Variants in AGBL4 observed in about 807,000 individuals in gnomAD.
AGBL4 encodes AGBL carboxypeptidase 4, also known as cytosolic carboxypeptidase 6.
AGBL4 carries 58 observed loss-of-function variants against 66.4 expected under a neutral mutation model. The ratio of observed to expected loss-of-function variants is 0.87; its 90% CI spans 0.71 to 1.09. AGBL4 has a LOEUF of 1.09. AGBL4 is among the 50% of genes least tolerant of loss of function. The pLI, the probability that AGBL4 is intolerant of heterozygous loss-of-function variation, is 0.00. For missense variants in AGBL4, 579 were observed against 631.0 expected, an observed-to-expected ratio of 0.92 and a Z score of 0.88; for synonymous variants, 234 against 222.9, an observed-to-expected ratio of 1.05 and a Z score of -0.44.
At chr1:48,678,140 G>T (rs1422096110) in intron 6 of AGBL4, among the ~76,000 whole-genome samples, 3 of 152,150 alleles carry the variant, frequency 2.0e-5, no homozygotes, top group Non-Finnish European at 4.4e-5. Flanking sequence ...ACAGCGCTAG[G>T]ATGGTCAGGC....
Position 48,781,127 on chromosome 1 carries a change from T to G in AGBL4, c.634+86064A>C, listed in dbSNP as rs376172411. On this transcript the variant is annotated intron_variant, in intron 6 of 13. Coordinates refer to ENST00000371839, the MANE Select transcript of AGBL4 (RefSeq NM_032785.4). ...GGTTCAAATTCCCTACCCATGTCAC[T>G]GTAAATCATTCCTATAAGGAGGCAG... Among the ~76,000 whole-genome samples the G allele has an allele frequency of 5.2e-4, 79 of 152,308 alleles. 1 individual carries two copies. The South Asian group carries it at 1.0e-2, about 19-fold the overall frequency.
chr1:49,957,242 A>C (rs1656685523), intron 1 of AGBL4, among the ~76,000 whole-genome samples: 1 of 151,714 alleles, frequency 6.6e-6, no homozygotes, highest in Non-Finnish European at 1.5e-5. Context: ...AAATTAAAGC[A>C]GATCTTTTAC....
At chr1:49,652,336 A>G (rs1337196094) in intron 3 of AGBL4, among the ~76,000 whole-genome samples, 2 of 152,164 alleles carry the variant, frequency 1.3e-5, no homozygotes, top group African/African-American at 2.4e-5. Context: ...ATCCAAATAC[A>G]AGAAATATAG....
rs1650249153 is a variant in AGBL4, at chr1:49,906,116, C to CAGTGTGTG, written c.35-54599_35-54598insCACACACT. Among the ~76,000 whole-genome samples, 35 of 147,402 alleles carry CAGTGTGTG rather than the reference C, an allele frequency of 2.4e-4. 1 individual carries two copies. In the South Asian group the frequency reaches 7.6e-3, roughly 32 times the overall value. On this transcript the variant is annotated intron_variant, in intron 1 of 13. Transcript: ENST00000371839. ...TTTTAAGATAAAGAGAAACAGGACT[C>CAGTGTGTG]TGTGTGTGTGTGTGTGTGTGTGTGT... is the stretch of plus-strand genomic sequence containing the variant.
intron 1 of AGBL4, among the ~76,000 whole-genome samples, chr1:50,021,249 T>C (rs558169165): frequency 4.6e-5 from 7 of 152,316 alleles, no homozygotes; most frequent in African/African-American, 7.2e-5. Context: ...TTGGAAGGCA[T>C]TGAAATATTG....
intron 3 of AGBL4, among the ~76,000 whole-genome samples, chr1:49,260,847 C>A (rs533011778): frequency 1.4e-4 from 21 of 151,830 alleles, no homozygotes; most frequent in Non-Finnish European, 2.2e-4. Context: ...CGGGCAGAGA[C>A]ACAACCAAAA....
At chr1:48,661,061 G>A (rs1280893553) in intron 7 of AGBL4, among the ~76,000 whole-genome samples, 1 of 152,198 alleles carries the variant, frequency 6.6e-6, no homozygotes, top group Non-Finnish European at 1.5e-5. Context: ...TTTGACAGAT[G>A]TGGAAAATGA....
chr1:48,604,762 A>G (rs1298638063), intron 9 of AGBL4, among the ~76,000 whole-genome samples: 1 of 152,194 alleles, frequency 6.6e-6, no homozygotes, highest in Non-Finnish European at 1.5e-5. Flanking sequence ...TTTGATTTTT[A>G]TGAACTGCTT....
chr1:49,891,985 A>G (rs1648702964), intron 1 of AGBL4, among the ~76,000 whole-genome samples: 1 of 152,180 alleles, frequency 6.6e-6, no homozygotes, highest in Non-Finnish European at 1.5e-5. Context: ...GGCAGCTGAG[A>G]GGCAGCAGGG....
chr1:49,614,458 A>G (rs1312906024), intron 3 of AGBL4, among the ~76,000 whole-genome samples: 2 of 152,196 alleles, frequency 1.3e-5, no homozygotes, highest in African/African-American at 4.8e-5. Flanking sequence ...TATATGATTT[A>G]TAGCCATTTG....
chr1:49,391,387 A>G (rs916377899), intron 3 of AGBL4, among the ~76,000 whole-genome samples: 7 of 152,186 alleles, frequency 4.6e-5, no homozygotes, highest in African/African-American at 9.7e-5. Flanking sequence ...GACTTGAGCT[A>G]GAGAAACCAG....
chr1:49,218,392 C>T (rs1262798005), intron 4 of AGBL4, among the ~76,000 whole-genome samples: 1 of 152,078 alleles, frequency 6.6e-6, no homozygotes, highest in Non-Finnish European at 1.5e-5. Flanking sequence ...CTATCAAAAG[C>T]AGTCCAGTAA....
chr1:49,244,763 A>T (rs1364029338), intron 4 of AGBL4, among the ~76,000 whole-genome samples: 1 of 151,860 alleles, frequency 6.6e-6, no homozygotes, highest in East Asian at 1.9e-4. Context: ...AGTGCCAGGC[A>T]AAACTTTACA....
intron 2 of AGBL4, among the ~76,000 whole-genome samples, chr1:49,816,350 G>A (rs1645230258): frequency 6.6e-6 from 1 of 152,164 alleles, no homozygotes; most frequent in Non-Finnish European, 1.5e-5. Context: ...AGCATAGGAT[G>A]CTCAGACATG....
At chr1:48,909,693 G>A (rs943319136) in intron 5 of AGBL4, among the ~76,000 whole-genome samples, 6 of 152,172 alleles carry the variant, frequency 3.9e-5, no homozygotes, top group African/African-American at 1.4e-4. Context: ...TGAAAGACAG[G>A]AAGATGTCAA....
chr1:49,724,258 G>C (rs1648840796), intron 2 of AGBL4, among the ~76,000 whole-genome samples: 1 of 152,162 alleles, frequency 6.6e-6, no homozygotes, highest in Admixed American at 6.6e-5. Context: ...CTTTCTGAAA[G>C]TAGTAAAACT....
At chr1:48,838,485 T>G (rs1350031061) in intron 6 of AGBL4, among the ~76,000 whole-genome samples, 3 of 152,104 alleles carry the variant, frequency 2.0e-5, no homozygotes, top group South Asian at 4.1e-4. Flanking sequence ...GGTATCCATA[T>G]GCAGGAGAAT....
intron 3 of AGBL4, among the ~76,000 whole-genome samples, chr1:49,353,880 C>T (rs938841018): frequency 3.3e-5 from 5 of 152,172 alleles, no homozygotes; most frequent in African/African-American, 9.7e-5. Context: ...CATCTTCCCA[C>T]TCCATCCTCT....
chr1:49,135,438 C>T (rs1645991360), intron 4 of AGBL4, among the ~76,000 whole-genome samples: 1 of 151,172 alleles, frequency 6.6e-6, no homozygotes, highest in East Asian at 1.9e-4. Context: ...GAATTAAAGA[C>T]ACACACACAG....
Sources: allele counts gnomAD v4.1 joint callset (sites outside exome capture counted in the v4.1 genomes callset), GRCh38; gene constraint gnomAD v4.1.1; transcripts MANE v1.5; gene names NCBI Gene and HGNC (gene_info 2026-07-23, HGNC 2026-07-21).